The following L3MBTL4 variants were observed in gnomAD, a reference collection of about 807,000 sequenced individuals.
The protein encoded by L3MBTL4 is lethal(3)malignant brain tumor-like protein 4.
A neutral mutation model predicts 84.5 loss-of-function variants in L3MBTL4; 70 were observed. The ratio of observed to expected loss-of-function variants is 0.83; its 90% CI spans 0.68 to 1.01. The LOEUF (loss-of-function observed/expected upper bound fraction) is 1.01. Ranked by LOEUF, L3MBTL4 falls within the 50% of genes least tolerant of loss-of-function variation. The pLI, the probability that L3MBTL4 is intolerant of heterozygous loss-of-function variation, is 0.00. For missense variants in L3MBTL4, 715 were observed against 754.8 expected (o/e 0.95, Z 0.62); for synonymous variants, 274 against 259.8 (o/e 1.05, Z -0.52).
intron 1 of L3MBTL4, among the ~76,000 whole-genome samples, chr18:6,330,314 T>C (rs75033128): frequency 0.017 from 2,656 of 152,300 alleles, 84 homozygotes; most frequent in African/African-American, 0.061. Flanking sequence ...AAGTCCTAAA[T>C]AGATCCCACT....
chr18:6,383,353 G>A (rs2054678924), intron 1 of L3MBTL4, among the ~76,000 whole-genome samples: 1 of 151,880 alleles, frequency 6.6e-6, no homozygotes, highest in Non-Finnish European at 1.5e-5. Context: ...GGTGCCACTG[G>A]GATACAAAAA....
intron 16 of L3MBTL4, among the ~76,000 whole-genome samples, chr18:5,977,669 G>C (rs1323093530): frequency 6.6e-6 from 1 of 152,228 alleles, no homozygotes; most frequent in Non-Finnish European, 1.5e-5. Context: ...TTGAGTTCCT[G>C]CTGTTGATAC....
At chr18:6,275,444 A>G (rs915159595) in intron 4 of L3MBTL4, among the ~76,000 whole-genome samples, 2 of 152,216 alleles carry the variant, frequency 1.3e-5, no homozygotes, top group Non-Finnish European at 2.9e-5. Flanking sequence ...CTGAAGATGC[A>G]GGAAAAAGTA....
chr18:6,164,338 C>T (rs1232458932), intron 13 of L3MBTL4, among the ~76,000 whole-genome samples: 3 of 152,242 alleles, frequency 2.0e-5, no homozygotes, highest in Admixed American at 2.0e-4. Flanking sequence ...AGTAGTGGTT[C>T]TCCCAGCACG....
At chr18:5,981,726 G>A (rs2053229386) in intron 16 of L3MBTL4, among the ~76,000 whole-genome samples, 1 of 151,882 alleles carries the variant, frequency 6.6e-6, no homozygotes, top group Non-Finnish European at 1.5e-5. Context: ...CTTGAGTCCA[G>A]GAGTTTGAGG....
At chr18:6,163,757 C>T (rs1044565072) in intron 13 of L3MBTL4, among the ~76,000 whole-genome samples, 5 of 152,136 alleles carry the variant, frequency 3.3e-5, no homozygotes, top group African/African-American at 7.2e-5. Flanking sequence ...GCATGAGTGA[C>T]GCAGAAGACA....
chr18:6,021,011 A>G (rs372954628), intron 16 of L3MBTL4, among the ~76,000 whole-genome samples: 2 of 152,332 alleles, frequency 1.3e-5, no homozygotes. Context: ...CAGCAAAGGA[A>G]TCTGAGAAAG....
At chr18:6,197,516 A>G (rs2045458330) in intron 12 of L3MBTL4, among the ~76,000 whole-genome samples, 1 of 152,106 alleles carries the variant, frequency 6.6e-6, no homozygotes, top group Non-Finnish European at 1.5e-5. Context: ...TCTATCATTG[A>G]TGGGCATTTG....
At chr18:6,219,567 G>T (rs2046464012) in intron 10 of L3MBTL4, among the ~76,000 whole-genome samples, 1 of 149,362 alleles carries the variant, frequency 6.7e-6, no homozygotes, top group Admixed American at 6.6e-5. Context: ...ACAGAAATTA[G>T]GATCAAGGAA....
chr18:6,007,476 C>T (rs536127471), intron 16 of L3MBTL4, among the ~76,000 whole-genome samples: 2 of 152,120 alleles, frequency 1.3e-5, no homozygotes, highest in African/African-American at 4.8e-5. Context: ...TTTATTGGTA[C>T]TCAGAAAAAA....
intron 16 of L3MBTL4, among the ~76,000 whole-genome samples, chr18:6,013,543 A>T (rs1246149240): frequency 6.6e-6 from 1 of 151,962 alleles, no homozygotes; most frequent in Non-Finnish European, 1.5e-5. Context: ...CTCTGCTCAT[A>T]CCCTTGGCAG....
At chr18:6,004,470 T>G (rs1327312373) in intron 16 of L3MBTL4, among the ~76,000 whole-genome samples, 2 of 152,164 alleles carry the variant, frequency 1.3e-5, no homozygotes, top group Admixed American at 6.5e-5. Context: ...CATCAATTTT[T>G]CTCAAACTTT....
chr18:6,055,907 G>A (rs976758046), intron 16 of L3MBTL4, among the ~76,000 whole-genome samples: 29 of 152,036 alleles, frequency 1.9e-4, no homozygotes, highest in African/African-American at 7.0e-4. Context: ...AAGGGACTTT[G>A]TGTTTATTTT....
intron 16 of L3MBTL4, among the ~76,000 whole-genome samples, chr18:6,028,742 G>A (rs999931577): frequency 5.3e-5 from 8 of 152,128 alleles, no homozygotes; most frequent in African/African-American, 1.9e-4. Context: ...TTCTTGAAGA[G>A]GTCCTTCACA....
intron 16 of L3MBTL4, among the ~76,000 whole-genome samples, chr18:6,037,463 TTCCTACTCCAG>T (rs2056193553): frequency 6.6e-6 from 1 of 152,212 alleles, no homozygotes; most frequent in African/African-American, 2.4e-5. Flanking sequence ...TTCCTAGTGA[TTCCTACTCCAG>T]TATCTTCCAG....
chr18:5,992,719 T>C (rs140454637), intron 16 of L3MBTL4, among the ~76,000 whole-genome samples: 100 of 152,234 alleles, frequency 6.6e-4, no homozygotes, highest in African/African-American at 2.3e-3. Flanking sequence ...CCACCCCCAC[T>C]CTCTCCCTCT....
intron 16 of L3MBTL4, among the ~76,000 whole-genome samples, chr18:5,993,256 A>G (rs1400169717): frequency 6.6e-6 from 1 of 152,200 alleles, no homozygotes; most frequent in Non-Finnish European, 1.5e-5. Context: ...CATGTCTCCA[A>G]GTAACTCTTT....
intron 3 of L3MBTL4, among the ~76,000 whole-genome samples, chr18:6,305,248 G>A (rs767558973): frequency 1.3e-5 from 2 of 152,208 alleles, no homozygotes; most frequent in Non-Finnish European, 2.9e-5. Flanking sequence ...TTAGGGCTAG[G>A]TGACCTAAGG....
intron 16 of L3MBTL4, among the ~76,000 whole-genome samples, chr18:6,050,976 G>C (rs2056818830): frequency 6.6e-6 from 1 of 152,182 alleles, no homozygotes; most frequent in Admixed American, 6.5e-5. Flanking sequence ...AGAGGTGCTG[G>C]TGGCAGCTGC....
Sources: allele counts gnomAD v4.1 joint callset (sites outside exome capture counted in the v4.1 genomes callset), GRCh38; gene constraint gnomAD v4.1.1; transcripts MANE v1.5; gene names NCBI Gene and HGNC (gene_info 2026-07-23, HGNC 2026-07-21).